Variants in UBE2Q2 observed in about 807,000 individuals in gnomAD.
UBE2Q2 encodes the protein ubiquitin-conjugating enzyme E2 Q2.
UBE2Q2 carries 54 observed loss-of-function variants against 59.9 expected under a neutral mutation model. That is an observed-to-expected ratio of 0.90 (90% CI 0.72 to 1.13). UBE2Q2 has a LOEUF of 1.13. Ranked by LOEUF, UBE2Q2 falls within the 50% of genes most tolerant of loss-of-function variation. The probability of loss-of-function intolerance (pLI) is 0.00; values close to 1 mark genes in which losing one functional copy is unlikely to be tolerated. For synonymous variants in UBE2Q2, 165 were observed against 155.2 expected (o/e 1.06, Z -0.47); for missense variants, 433 against 441.9 (o/e 0.98, Z 0.18).
At chr15:75,879,478 G>C (rs918816693) in intron 8 of UBE2Q2, among the ~76,000 whole-genome samples, 1 of 152,218 alleles carries the variant, frequency 6.6e-6, no homozygotes, top group Non-Finnish European at 1.5e-5. Flanking sequence ...GGGACAAGAT[G>C]GGTGGATCTT....
chr15:75,852,929 A>G (rs1307556017), intron 1 of UBE2Q2, among the ~76,000 whole-genome samples: 1 of 152,240 alleles, frequency 6.6e-6, no homozygotes, highest in Non-Finnish European at 1.5e-5. Context: ...AAAAATATTC[A>G]GTTTCTGTGG....
chr15:75,853,883 C>T (rs1595857410), intron 1 of UBE2Q2, among the ~76,000 whole-genome samples: 1 of 152,118 alleles, frequency 6.6e-6, no homozygotes, highest in Non-Finnish European at 1.5e-5. Context: ...GGTCTGAGGC[C>T]TTTTATAATA....
intron 9 of UBE2Q2, among the ~76,000 whole-genome samples, chr15:75,886,865 A>AT (rs560998527): frequency 1.5e-3 from 215 of 146,002 alleles, no homozygotes; most frequent in Middle Eastern, 3.6e-3. Flanking sequence ...TCCGTCTCAA[A>AT]TTTTTTTTTT....
chr15:75,884,896 C>T (rs28525382), intron 9 of UBE2Q2, among the ~76,000 whole-genome samples: 69,100 of 152,098 alleles, frequency 0.45, 16,578 homozygotes, highest in South Asian at 0.69. Flanking sequence ...CCATCTTACC[C>T]GCCTCAGCCT....
intron 4 of UBE2Q2, among the ~76,000 whole-genome samples, chr15:75,871,234 C>T (rs1897768453): frequency 6.6e-6 from 1 of 152,262 alleles, no homozygotes; most frequent in Non-Finnish European, 1.5e-5. Flanking sequence ...GTCCCACCTC[C>T]AGCCCTAAGG....
intron 2 of UBE2Q2, among the ~76,000 whole-genome samples, chr15:75,858,752 C>T (rs1897056135): frequency 6.6e-6 from 1 of 152,204 alleles, no homozygotes; most frequent in Non-Finnish European, 1.5e-5. Context: ...ATTGCTCTGC[C>T]TCATCTTCAT....
chr15:75,844,300 T>C (rs1896199825), intron 1 of UBE2Q2: 1 of 1,545,860 alleles, frequency 6.5e-7, no homozygotes. Flanking sequence ...ATTTTCCTTC[T>C]TCCCGCTTGT....
intron 12 of UBE2Q2, among the ~76,000 whole-genome samples, chr15:75,899,108 A>G (rs1162180143): frequency 7.7e-6 from 1 of 130,452 alleles, no homozygotes; most frequent in South Asian, 2.3e-4. Flanking sequence ...TAAATACCAA[A>G]AAAAAAAAAA....
chr15:75,873,297 C>T (rs1897892638), intron 4 of UBE2Q2, 131 bp from the exon 5 acceptor site: 2 of 741,808 alleles, frequency 2.7e-6, no homozygotes, highest in Non-Finnish European at 2.0e-6. Context: ...CTTTTTCTCT[C>T]TCCCTATAGG....
intron 3 of UBE2Q2, 75 bp downstream of exon 3, chr15:75,860,057 C>T: frequency 2.9e-6 from 3 of 1,052,464 alleles, no homozygotes; most frequent in Admixed American, 2.7e-5. Flanking sequence ...GATGATTTTT[C>T]TTTTTATTGT....
intron 1 of UBE2Q2, among the ~76,000 whole-genome samples, chr15:75,845,724 T>A (rs547901233): frequency 6.6e-6 from 1 of 152,342 alleles, no homozygotes; most frequent in South Asian, 2.1e-4. Context: ...GGATACCAAA[T>A]GTTTTGCAAC....
chr15:75,874,206 C>G (rs1407930928), intron 5 of UBE2Q2, among the ~76,000 whole-genome samples: 1 of 151,988 alleles, frequency 6.6e-6, no homozygotes, highest in Non-Finnish European at 1.5e-5. Context: ...AATTCAAGTT[C>G]TTTCTCCTTC....
intron 1 of UBE2Q2, among the ~76,000 whole-genome samples, chr15:75,850,823 C>G (rs1355563451): frequency 6.6e-6 from 1 of 152,118 alleles, no homozygotes; most frequent in South Asian, 2.1e-4. Flanking sequence ...ATGTAAGTTA[C>G]GTCTATTGGT....
chr15:75,874,391 C>T (rs759323671), intron 5 of UBE2Q2, among the ~76,000 whole-genome samples: 2 of 151,240 alleles, frequency 1.3e-5, no homozygotes, highest in Non-Finnish European at 2.9e-5. Context: ...TCAAGCAGTT[C>T]TCCTGCCTCA....
chr15:75,856,269 G>GTGTGTGTATATATATA (rs1256142539), intron 2 of UBE2Q2, among the ~76,000 whole-genome samples: 16 of 139,286 alleles, frequency 1.1e-4, no homozygotes, highest in African/African-American at 3.8e-4. Flanking sequence ...GTGTGTGTGT[G>GTGTGTGTATATATATA]TATATATATA....
intron 8 of UBE2Q2, among the ~76,000 whole-genome samples, chr15:75,881,249 T>A (rs1898405123): frequency 1.3e-5 from 2 of 151,742 alleles, no homozygotes; most frequent in Admixed American, 1.3e-4. Flanking sequence ...TTTTTTTTTA[T>A]CCGTCCCTGT....
chr15:75,899,401 A>T (rs1286857322), intron 12 of UBE2Q2, 26 bp from the exon 13 acceptor site: 3 of 1,499,176 alleles, frequency 2.0e-6, no homozygotes, highest in Non-Finnish European at 2.7e-6. Flanking sequence ...AATTATTTTA[A>T]CTTTTTTTTT....
chr15:75,883,946 T>C (rs1898607547), intron 9 of UBE2Q2, among the ~76,000 whole-genome samples: 1 of 152,192 alleles, frequency 6.6e-6, no homozygotes. Flanking sequence ...TAGAGAATGT[T>C]ACGATTAGAG....
At chr15:75,872,017 T>C (rs1197942001) in intron 4 of UBE2Q2, among the ~76,000 whole-genome samples, 2 of 151,988 alleles carry the variant, frequency 1.3e-5, no homozygotes, top group South Asian at 2.1e-4. Flanking sequence ...GAGGAAAACA[T>C]GTAGGATGGA....
Sources: allele counts gnomAD v4.1 joint callset (sites outside exome capture counted in the v4.1 genomes callset), GRCh38; gene constraint gnomAD v4.1.1; transcripts MANE v1.5; gene names NCBI Gene and HGNC (gene_info 2026-07-23, HGNC 2026-07-21).